Variants in CTH observed in about 807,000 individuals in gnomAD.
CTH encodes the protein cystathionase (cystathionine gamma-lyase).
CTH carries 41 observed loss-of-function variants against 50.6 expected under a neutral mutation model. That is an observed-to-expected ratio of 0.81 (90% CI 0.63 to 1.05). The LOEUF is 1.05. Among genes scored for constraint, CTH ranks in the 50% least tolerant of loss-of-function variants. The probability of loss-of-function intolerance (pLI) is 0.00; values close to 1 mark genes in which losing one functional copy is unlikely to be tolerated. For missense variants in CTH, 470 were observed against 492.6 expected (o/e 0.95, Z 0.43); for synonymous variants, 156 against 168.9 (o/e 0.92, Z 0.59).
At chr1:70,425,423 C>T (rs1014942958) in intron 5 of CTH, among the ~76,000 whole-genome samples, 1 of 152,142 alleles carries the variant, frequency 6.6e-6, no homozygotes, top group African/African-American at 2.4e-5. Context: ...CTTTCTGGTC[C>T]ATAGATGGAG....
chr1:70,427,867 C>T (rs2101747221), intron 5 of CTH, among the ~76,000 whole-genome samples: 1 of 152,192 alleles, frequency 6.6e-6, no homozygotes, highest in Middle Eastern at 3.4e-3. Flanking sequence ...TTTCCACCAC[C>T]ACCCCCCGCT....
chr1:70,427,512 T>TA (rs1684369378), intron 5 of CTH, among the ~76,000 whole-genome samples: 1 of 152,202 alleles, frequency 6.6e-6, no homozygotes, highest in Non-Finnish European at 1.5e-5. Flanking sequence ...CTGTAGAGTT[T>TA]ACAGAATGTT....
chr1:70,436,943 C>T (rs1179794554), intron 10 of CTH, among the ~76,000 whole-genome samples: 1 of 152,182 alleles, frequency 6.6e-6, no homozygotes, highest in African/African-American at 2.4e-5. Flanking sequence ...TAGGCTATAA[C>T]CCCGATGCCA....
intron 4 of CTH, 36 bp downstream of exon 4, chr1:70,421,711 C>A: frequency 6.3e-7 from 1 of 1,596,806 alleles, no homozygotes; most frequent in Non-Finnish European, 8.6e-7. Context: ...CCTGTTTTTC[C>A]TTCGATGTTT....
chr1:70,423,433 T>A (rs1684271891), intron 4 of CTH, among the ~76,000 whole-genome samples: 1 of 151,472 alleles, frequency 6.6e-6, no homozygotes, highest in South Asian at 2.1e-4. Flanking sequence ...TGGCCGAGCA[T>A]GGTGGCACAT....
At chr1:70,430,687 G>A (rs375787191) in intron 7 of CTH, among the ~76,000 whole-genome samples, 2 of 151,480 alleles carry the variant, frequency 1.3e-5, no homozygotes, top group Non-Finnish European at 2.9e-5. Flanking sequence ...GATTACAGGT[G>A]CCCACCACCA....
At chr1:70,424,134 G>C (rs929615439) in intron 4 of CTH, 151 bp from the exon 5 acceptor site, 8 of 1,438,680 alleles carry the variant, frequency 5.6e-6, no homozygotes, top group Non-Finnish European at 6.6e-6. Flanking sequence ...GAAATTTGCA[G>C]GTAAGGCTGG....
chr1:70,437,383 A>G (rs1353547188), intron 10 of CTH, among the ~76,000 whole-genome samples: 1 of 152,206 alleles, frequency 6.6e-6, no homozygotes, highest in African/African-American at 2.4e-5. Context: ...AACCTTTAAG[A>G]CAGGTGTTAT....
chr1:70,424,081 A>T (rs1684289383), intron 4 of CTH, among the ~76,000 whole-genome samples: 1 of 152,184 alleles, frequency 6.6e-6, no homozygotes, highest in Non-Finnish European at 1.5e-5. Flanking sequence ...TTACCAACCC[A>T]ATTATACAGA....
At chr1:70,434,622 C>G (rs981805872) in intron 9 of CTH, among the ~76,000 whole-genome samples, 6 of 150,998 alleles carry the variant, frequency 4.0e-5, no homozygotes, top group Non-Finnish European at 8.8e-5. Context: ...CCTATTCCAG[C>G]AGGGATTTAA....
intron 2 of CTH, among the ~76,000 whole-genome samples, chr1:70,416,603 G>A (rs911358053): frequency 3.7e-4 from 53 of 142,962 alleles, no homozygotes; most frequent in African/African-American, 1.2e-3. Flanking sequence ...TGCTCTTGTC[G>A]CTCAGGCTGG....
intron 5 of CTH, among the ~76,000 whole-genome samples, chr1:70,428,939 A>G (rs1684406258): frequency 6.6e-6 from 1 of 150,812 alleles, no homozygotes; most frequent in Admixed American, 6.6e-5. Flanking sequence ...GTTGTTTTTT[A>G]AGATAAAGTC....
At position 70,432,241 on chromosome 1, in the gene CTH, T is replaced by A. The variant is rs950060473; in HGVS notation, c.877+6T>A. ...AGAAAAGGTTATTTATCCTGGTATGTTAATTTGATTTCTAAGCAGATCTAC... is the reference window on the plus strand; with the variant it reads ...AGAAAAGGTTATTTATCCTGGTATGATAATTTGATTTCTAAGCAGATCTAC... On this transcript the variant is annotated splice_donor_region_variant and intron_variant, in intron 8 of 11. Transcript: ENST00000370938. 4 of 1,613,956 alleles carry A rather than the reference T, an allele frequency of 2.5e-6. No homozygotes were observed. The highest frequency in any genetic ancestry group is 3.4e-6 in the Non-Finnish European group (4 of 1,179,958).
chr1:70,424,618 G>C (rs187066764), intron 5 of CTH, among the ~76,000 whole-genome samples: 2 of 152,250 alleles, frequency 1.3e-5, no homozygotes, highest in East Asian at 3.9e-4. Flanking sequence ...TATCCTCTAT[G>C]TTACTTTGTG....
chr1:70,413,739 C>CTT (rs765540452), intron 1 of CTH, among the ~76,000 whole-genome samples: 11,961 of 118,158 alleles, frequency 0.1, 987 homozygotes, highest in African/African-American at 0.18. Flanking sequence ...TGCTTAATAT[C>CTT]TTTTTTTTTT....
chr1:70,414,304 G>C (rs2101726612), intron 1 of CTH, among the ~76,000 whole-genome samples: 1 of 151,920 alleles, frequency 6.6e-6, no homozygotes, highest in Admixed American at 6.6e-5. Flanking sequence ...ATGAGGTCAG[G>C]AGATGAAGAC....
At chr1:70,417,038 G>A (rs1337056074) in intron 2 of CTH, among the ~76,000 whole-genome samples, 2 of 152,028 alleles carry the variant, frequency 1.3e-5, no homozygotes, top group Non-Finnish European at 2.9e-5. Flanking sequence ...ATTTGTGCCT[G>A]AGAATAGCAC....
chr1:70,434,833 A>G (rs1458885158), intron 9 of CTH: 2 of 289,408 alleles, frequency 6.9e-6, no homozygotes, highest in African/African-American at 4.5e-5. Flanking sequence ...GCTCACTGCA[A>G]CCTCCACCTC....
chr1:70,427,200 G>T (rs912559688), intron 5 of CTH, among the ~76,000 whole-genome samples: 1 of 152,092 alleles, frequency 6.6e-6, no homozygotes, highest in Non-Finnish European at 1.5e-5. Flanking sequence ...TGGATCTTCT[G>T]TAAGTCTCAC....
Sources: allele counts gnomAD v4.1 joint callset (sites outside exome capture counted in the v4.1 genomes callset), GRCh38; gene constraint gnomAD v4.1.1; transcripts MANE v1.5; gene names NCBI Gene and HGNC (gene_info 2026-07-23, HGNC 2026-07-21).